PRKG1: variants seen among roughly 807,000 people sequenced by gnomAD.
PRKG1 encodes the protein cGMP-dependent protein kinase 1.
A neutral mutation model predicts 88.1 loss-of-function variants in PRKG1; 35 were observed. That is an observed-to-expected ratio of 0.40 (90% CI 0.30 to 0.53). PRKG1 has a LOEUF of 0.53. Ranked by LOEUF, PRKG1 falls within the 20% of genes least tolerant of loss-of-function variation. PRKG1 has a pLI of 0.59. For synonymous variants in PRKG1, 303 were observed against 292.5 expected (o/e 1.04, Z -0.37); for missense variants, 540 against 839.8 (o/e 0.64, Z 4.41).
At chr10:52,095,015 G>C (rs1847141207) in intron 7 of PRKG1, among the ~76,000 whole-genome samples, 1 of 151,994 alleles carries the variant, frequency 6.6e-6, no homozygotes, top group Admixed American at 6.6e-5. Flanking sequence ...GCTGCTTTTT[G>C]GCCACTGGAT....
intron 7 of PRKG1, among the ~76,000 whole-genome samples, chr10:52,116,543 T>G (rs1240626637): frequency 6.6e-6 from 1 of 151,978 alleles, no homozygotes; most frequent in East Asian, 1.9e-4. Context: ...TTCGAAAGAA[T>G]GTTTTTCTAA....
At chr10:51,655,796 A>G (rs542704146) in intron 3 of PRKG1, among the ~76,000 whole-genome samples, 1 of 152,270 alleles carries the variant, frequency 6.6e-6, no homozygotes, top group East Asian at 1.9e-4. Context: ...CCAGTAACCT[A>G]ACTACTTGAG....
At chr10:52,023,680 T>A (rs1845248790) in intron 5 of PRKG1, among the ~76,000 whole-genome samples, 1 of 152,234 alleles carries the variant, frequency 6.6e-6, no homozygotes, top group South Asian at 2.1e-4. Flanking sequence ...TGGCGAGCAT[T>A]TTTTCATGTG....
intron 2 of PRKG1, chr10:51,299,551 C>T (rs1314776122): frequency 2.1e-6 from 1 of 470,798 alleles, no homozygotes; most frequent in South Asian, 1.5e-5. Context: ...AGAACTTTCA[C>T]AGCCTGTAAC....
intron 12 of PRKG1, among the ~76,000 whole-genome samples, chr10:52,279,181 T>C (rs944570836): frequency 3.9e-5 from 6 of 152,168 alleles, no homozygotes; most frequent in African/African-American, 1.4e-4. Context: ...GGCAATACTG[T>C]AATCCCTTTG....
At chr10:51,618,240 C>A (rs4935274) in intron 3 of PRKG1, among the ~76,000 whole-genome samples, 20,963 of 152,120 alleles carry the variant, frequency 0.14, 1,662 homozygotes, top group Non-Finnish European at 0.19. Flanking sequence ...CCTAGACTTC[C>A]CTGGGAAAAC....
Position 51,628,276 on chromosome 10 carries a change from C to T in PRKG1, c.592+160440C>T, listed in dbSNP as rs569894064. On this transcript the variant is annotated intron_variant, in intron 3 of 17. Coordinates refer to ENST00000373980, the MANE Select transcript of PRKG1 (RefSeq NM_006258.4). The stretch of plus-strand genomic sequence containing the variant: ...CCTCGACCTCCCAGGCTGAATCTAT[C>T]CTCTGCTTTCTGAGTAGCTGGGACC... 4.0e-5 allele frequency among the ~76,000 whole-genome samples: 6 copies of T among 151,188 alleles called. No individual in the cohort carries two copies. The South Asian group carries it at 1.3e-3, about 32-fold the overall frequency.
intron 4 of PRKG1, among the ~76,000 whole-genome samples, chr10:51,820,228 A>G (rs1839706224): frequency 6.6e-6 from 1 of 152,170 alleles, no homozygotes; most frequent in South Asian, 2.1e-4. Context: ...AGTGACAACT[A>G]TGCAGCTTTA....
rs528597487 is a variant in PRKG1 at position 51,205,140 on chromosome 10, T to C, written c.478+51810T>C. On this transcript the variant is annotated intron_variant, in intron 2 of 17. Transcript: ENST00000373980. ...TCATTTTCTTTTCTTTTTTTTTTTT[T>C]TTTTTTTTTTTTTTTTTGAGACAGA... 6.5e-4 allele frequency among the ~76,000 whole-genome samples: 72 copies of C among 110,580 alleles called. 2 individuals are homozygous for C. Among genetic ancestry groups the C allele is most frequent in the African/African-American group, 2.0e-3 (56 of 27,964 alleles). 72.5% of individuals were successfully genotyped at this position (110,580 alleles called of 152,430 possible).
chr10:51,217,193 G>C (rs1473020032), intron 2 of PRKG1, among the ~76,000 whole-genome samples: 1 of 152,138 alleles, frequency 6.6e-6, no homozygotes, highest in Admixed American at 6.6e-5. Flanking sequence ...TACTGAATCA[G>C]AGATGTGTGA....
intron 5 of PRKG1, among the ~76,000 whole-genome samples, chr10:52,012,559 T>C (rs10823953): frequency 0.24 from 37,156 of 152,002 alleles, 4,753 homozygotes; most frequent in East Asian, 0.32. Flanking sequence ...GCTAATTTTT[T>C]TATTTTTAGT....
At chr10:51,174,427 A>G (rs1488471727) in intron 2 of PRKG1, among the ~76,000 whole-genome samples, 1 of 152,020 alleles carries the variant, frequency 6.6e-6, no homozygotes, top group Non-Finnish European at 1.5e-5. Context: ...TCTCCTTACA[A>G]TGTCTATGTA....
chr10:51,363,261 T>TA (rs1382488786), intron 2 of PRKG1, among the ~76,000 whole-genome samples: 1 of 151,484 alleles, frequency 6.6e-6, no homozygotes, highest in Non-Finnish European at 1.5e-5. Context: ...GTAGATTGAG[T>TA]AAAAAAAATT....
At chr10:51,661,790 T>A (rs1381805854) in intron 3 of PRKG1, among the ~76,000 whole-genome samples, 1 of 152,214 alleles carries the variant, frequency 6.6e-6, no homozygotes, top group Non-Finnish European at 1.5e-5. Context: ...ATATGTTTAT[T>A]GCAGCACTAT....
intron 4 of PRKG1, among the ~76,000 whole-genome samples, chr10:51,906,693 A>G (rs1444661436): frequency 6.6e-6 from 1 of 152,196 alleles, no homozygotes; most frequent in Non-Finnish European, 1.5e-5. Context: ...AACTCTTATC[A>G]GACATAAAAA....
intron 2 of PRKG1, among the ~76,000 whole-genome samples, chr10:51,377,170 C>T (rs1490822520): frequency 6.6e-6 from 1 of 151,962 alleles, no homozygotes; most frequent in African/African-American, 2.4e-5. Flanking sequence ...GTATGCATAA[C>T]TGGATATTTT....
chr10:51,534,695 G>A (rs1842102645), intron 3 of PRKG1, among the ~76,000 whole-genome samples: 1 of 147,390 alleles, frequency 6.8e-6, no homozygotes, highest in East Asian at 2.0e-4. Context: ...AAGAAAGAAA[G>A]GCAGTTCTGC....
At chr10:52,256,259 G>A (rs1279917210) in intron 10 of PRKG1, among the ~76,000 whole-genome samples, 1 of 139,342 alleles carries the variant, frequency 7.2e-6, no homozygotes. Flanking sequence ...TAGAATAGAT[G>A]TAGTAATTGT....
chr10:51,892,480 A>G (rs1224560796), intron 4 of PRKG1, among the ~76,000 whole-genome samples: 2 of 152,164 alleles, frequency 1.3e-5, no homozygotes, highest in African/African-American at 2.4e-5. Context: ...CTTTAAACAG[A>G]TGGCTTCCCA....
Sources: allele counts gnomAD v4.1 joint callset (sites outside exome capture counted in the v4.1 genomes callset), GRCh38; gene constraint gnomAD v4.1.1; transcripts MANE v1.5; gene names NCBI Gene and HGNC (gene_info 2026-07-23, HGNC 2026-07-21).